Variants in PDE3A observed in about 807,000 individuals in gnomAD.
PDE3A encodes cGMP-inhibited 3',5'-cyclic phosphodiesterase 3A.
A neutral mutation model predicts 98.3 loss-of-function variants in PDE3A; 43 were observed. The observed-to-expected ratio is 0.44, with a 90% CI of 0.34 to 0.56. PDE3A has a LOEUF of 0.56. Ranked by LOEUF, PDE3A falls within the 20% of genes least tolerant of loss-of-function variation. The probability of loss-of-function intolerance (pLI) is 0.01; values close to 1 mark genes in which losing one functional copy is unlikely to be tolerated. For missense variants in PDE3A, 1,427 were observed against 1,440.7 expected (o/e 0.99, Z 0.15); for synonymous variants, 663 against 567.9 (o/e 1.17, Z -2.38).
At chr12:20,629,693 A>G (rs943146183) in intron 5 of PDE3A, among the ~76,000 whole-genome samples, 5 of 151,854 alleles carry the variant, frequency 3.3e-5, no homozygotes, top group African/African-American at 9.7e-5. Context: ...CATTGCCACT[A>G]TTTTTTTTAT....
At chr12:20,414,092 C>G (rs766711747) in intron 1 of PDE3A, among the ~76,000 whole-genome samples, 1 of 152,012 alleles carries the variant, frequency 6.6e-6, no homozygotes, top group African/African-American at 2.4e-5. Flanking sequence ...TCTGGAGAGA[C>G]GGCAAAGAGG....
intron 1 of PDE3A, among the ~76,000 whole-genome samples, chr12:20,388,342 C>T (rs550817382): frequency 6.6e-5 from 10 of 152,112 alleles, no homozygotes; most frequent in Non-Finnish European, 8.8e-5. Context: ...AATTTTAGAT[C>T]GGCCTACAGA....
chr12:20,532,462 C>A (rs1941628138), intron 1 of PDE3A, among the ~76,000 whole-genome samples: 1 of 151,504 alleles, frequency 6.6e-6, no homozygotes, highest in South Asian at 2.1e-4. Flanking sequence ...ATAAATATAC[C>A]CATTTATGGT....
chr12:20,641,256 G>A (rs1007680980), intron 10 of PDE3A, among the ~76,000 whole-genome samples: 3 of 152,082 alleles, frequency 2.0e-5, no homozygotes, highest in African/African-American at 7.2e-5. Context: ...GTTGGAGTAC[G>A]GGAAAGAGGA....
intron 1 of PDE3A, among the ~76,000 whole-genome samples, chr12:20,397,663 T>C (rs1944042487): frequency 6.6e-6 from 1 of 152,124 alleles, no homozygotes; most frequent in Non-Finnish European, 1.5e-5. Context: ...CCAACTATTA[T>C]GCTGTTCCAT....
intron 1 of PDE3A, among the ~76,000 whole-genome samples, chr12:20,386,020 T>TATATAAATATATATAAAATATATATAA (rs1565532354): frequency 4.9e-5 from 3 of 61,790 alleles, no homozygotes; most frequent in African/African-American, 2.1e-4. Flanking sequence ...ATATATAAAA[T>TATATAAATATATATAAAATATATATAA]ATATATATAA....
intron 2 of PDE3A, among the ~76,000 whole-genome samples, chr12:20,579,848 C>A (rs7312424): frequency 0.78 from 119,224 of 152,132 alleles, 46,838 homozygotes; most frequent in Middle Eastern, 0.84. Context: ...AGAAAAATCT[C>A]AGAGACTGCA....
At chr12:20,666,919 C>A (rs1945329099) in intron 15 of PDE3A, among the ~76,000 whole-genome samples, 1 of 152,118 alleles carries the variant, frequency 6.6e-6, no homozygotes, top group Admixed American at 6.5e-5. Flanking sequence ...CCCTTTTCTC[C>A]ACATCCTTGC....
intron 15 of PDE3A, among the ~76,000 whole-genome samples, chr12:20,662,978 C>A (rs976313132): frequency 1.3e-5 from 2 of 152,152 alleles, no homozygotes; most frequent in African/African-American, 4.8e-5. Flanking sequence ...ACAGGCCAGG[C>A]CCCAGACCCT....
At chr12:20,642,335 G>A (rs1201539418) in intron 10 of PDE3A, among the ~76,000 whole-genome samples, 1 of 152,016 alleles carries the variant, frequency 6.6e-6, no homozygotes, top group Non-Finnish European at 1.5e-5. Context: ...TAATTTCATG[G>A]TAGTAGCAAT....
chr12:20,633,154 T>C (rs538412982), intron 6 of PDE3A, among the ~76,000 whole-genome samples: 3 of 152,256 alleles, frequency 2.0e-5, no homozygotes, highest in African/African-American at 4.8e-5. Flanking sequence ...TTTCACCATG[T>C]TGGCCAGGCT....
chr12:20,428,438 C>T (rs1944638481), intron 1 of PDE3A, among the ~76,000 whole-genome samples: 7 of 151,922 alleles, frequency 4.6e-5, no homozygotes, highest in Admixed American at 4.6e-4. Flanking sequence ...CGCCGCCACG[C>T]CCGGCTAATT....
At chr12:20,374,775 G>T (rs915275129) in intron 1 of PDE3A, among the ~76,000 whole-genome samples, 1 of 152,010 alleles carries the variant, frequency 6.6e-6, no homozygotes, top group Non-Finnish European at 1.5e-5. Context: ...GTTTGTGTCA[G>T]TCAGCCCAGT....
chr12:20,483,191 C>T (rs1172928036), intron 1 of PDE3A, among the ~76,000 whole-genome samples: 1 of 152,008 alleles, frequency 6.6e-6, no homozygotes, highest in Non-Finnish European at 1.5e-5. Context: ...GATATCGGGA[C>T]CATCCTGGCC....
intron 1 of PDE3A, among the ~76,000 whole-genome samples, chr12:20,432,211 G>T (rs1018165479): frequency 6.6e-6 from 1 of 152,136 alleles, no homozygotes; most frequent in African/African-American, 2.4e-5. Flanking sequence ...TGATGGAAAA[G>T]CAAATAATAA....
intron 15 of PDE3A, among the ~76,000 whole-genome samples, chr12:20,678,051 G>A (rs1020225396): frequency 5.3e-5 from 8 of 152,148 alleles, no homozygotes; most frequent in African/African-American, 1.4e-4. Flanking sequence ...GTGGATATGT[G>A]GGTCCTGGTG....
At chr12:20,674,067 T>C (rs185845362) in intron 15 of PDE3A, among the ~76,000 whole-genome samples, 7 of 152,262 alleles carry the variant, frequency 4.6e-5, no homozygotes, top group Non-Finnish European at 1.0e-4. Context: ...TTTCTAATTT[T>C]TTATAGCTAT....
In PDE3A at chr12:20,552,435, G is replaced by T; in HGVS notation, c.961-4225G>T. 1 of 1,612,904 alleles carries T rather than the reference G, an allele frequency of 6.2e-7. No individual in the cohort carries two copies. The highest frequency in any genetic ancestry group is 8.5e-7 in the Non-Finnish European group (1 of 1,179,816). On this transcript the variant is annotated intron_variant, in intron 1 of 15. Coordinates refer to ENST00000359062, the MANE Select transcript of PDE3A (RefSeq NM_000921.5). This position sits in a 1 kb window ranked among gnomAD's most constrained non-coding sequence, Gnocchi z 5.1. ...GGAAGGACCGGATCAAGAAGCTGGG[G>T]CTGACCATGCAGTATCCAGAAGGCT...
intron 1 of PDE3A, among the ~76,000 whole-genome samples, chr12:20,519,736 A>AT (rs1225944687): frequency 1.3e-5 from 2 of 152,138 alleles, no homozygotes; most frequent in African/African-American, 4.8e-5. Context: ...AGAGAAAGGG[A>AT]TTTTTGTTTG....
Sources: allele counts gnomAD v4.1 joint callset (sites outside exome capture counted in the v4.1 genomes callset), GRCh38; gene constraint gnomAD v4.1.1; non-coding constraint Gnocchi (gnomAD v3.1); transcripts MANE v1.5; gene names NCBI Gene and HGNC (gene_info 2026-07-23, HGNC 2026-07-21).